ABI3: variants seen among roughly 807,000 people sequenced by gnomAD.
ABI3 encodes ABI family member 3.
Under a neutral mutation model 37.0 loss-of-function variants are expected in ABI3, and 24 were observed. The ratio of observed to expected loss-of-function variants is 0.65; its 90% CI spans 0.47 to 0.91. The LOEUF (loss-of-function observed/expected upper bound fraction) is 0.91. ABI3 is among the 40% of genes least tolerant of loss of function. The probability of loss-of-function intolerance (pLI) is 0.00; values close to 1 mark genes in which losing one functional copy is unlikely to be tolerated. For missense variants in ABI3, 481 were observed against 485.1 expected, an observed-to-expected ratio of 0.99 and a Z score of 0.08; for synonymous variants, 220 against 211.8, an observed-to-expected ratio of 1.04 and a Z score of -0.34.
intron 7 of ABI3, 71 bp downstream of exon 7, chr17:49,222,296 C>T (rs1383262112): frequency 2.6e-6 from 4 of 1,552,696 alleles, no homozygotes; most frequent in Non-Finnish European, 2.6e-6. Context: ...ATTCTCCTCC[C>T]TCTGCAAAGG....
chr17:49,216,113 G>T (rs375826433), intron 1 of ABI3, among the ~76,000 whole-genome samples: 2 of 125,292 alleles, frequency 1.6e-5, no homozygotes, highest in Non-Finnish European at 3.4e-5. Context: ...CTCCATCTCA[G>T]AAAAAAAAAA....
rs370741293 is a variant in ABI3 at position 49,217,618 on chromosome 17, C to T, written c.286-121C>T. ...GGGGGCGGGGGGCGGGGGGCAGGGCCCTCTTTTTCTAGACCTGGCTGCCTC... is the reference window on the plus strand; with the variant it reads ...GGGGGCGGGGGGCGGGGGGCAGGGCTCTCTTTTTCTAGACCTGGCTGCCTC... On this transcript the variant is annotated intron_variant, in intron 2 of 7. Coordinates refer to ENST00000225941, the MANE Select transcript of ABI3 (RefSeq NM_016428.3). 221 of 865,720 alleles carry T rather than the reference C, an allele frequency of 2.6e-4. 1 individual carries two copies. The African/African-American group carries it at 3.5e-3, about 14-fold the overall frequency. The allele number at this position is 865,720 out of a possible 1,614,324, so 53.6% of individuals were successfully genotyped here. A position where few individuals can be genotyped will look rare whatever the true frequency, so the allele number is the denominator to read the frequency against.
intron 5 of ABI3, 102 bp downstream of exon 5, chr17:49,220,055 C>T: frequency 6.4e-7 from 1 of 1,554,726 alleles, no homozygotes; most frequent in Non-Finnish European, 8.7e-7. Flanking sequence ...TGAAAGGACC[C>T]AGTTACTCCT....
chr17:49,220,464 A>C (rs1330403552), intron 6 of ABI3, 138 bp downstream of exon 6: 1 of 1,126,344 alleles, frequency 8.9e-7, no homozygotes, highest in Admixed American at 2.8e-5. Context: ...CAGGGGCGAA[A>C]GGAGACAGAG....
At chr17:49,213,706 C>T (rs2043192739) in intron 1 of ABI3, among the ~76,000 whole-genome samples, 1 of 152,236 alleles carries the variant, frequency 6.6e-6, no homozygotes, top group African/African-American at 2.4e-5. Context: ...GTTCAGGCTG[C>T]AGATGCCCAG....
intron 1 of ABI3, among the ~76,000 whole-genome samples, chr17:49,215,416 C>G (rs1056017078): frequency 1.3e-5 from 2 of 152,110 alleles, no homozygotes; most frequent in African/African-American, 4.8e-5. Context: ...TAAAGTCCCT[C>G]TGTTCTGGGC....
chr17:49,211,944 C>A (rs2043172386), intron 1 of ABI3, among the ~76,000 whole-genome samples: 1 of 136,692 alleles, frequency 7.3e-6, no homozygotes, highest in Admixed American at 7.9e-5. Context: ...CTGTGCCCAG[C>A]CAGCCTTTTT....
In ABI3 at chr17:49,222,239, G is replaced by A. The variant is rs1363320269; in HGVS notation, c.937+14G>A. On this transcript the variant is annotated intron_variant, in intron 7 of 7. Transcript: ENST00000225941. Reference sequence around the variant, plus strand: ...ACTTGGAGAAAGGTACCTGACTTCTGGGACTGAGGGGCACCGGATCCCACT... The same window carrying A: ...ACTTGGAGAAAGGTACCTGACTTCTAGGACTGAGGGGCACCGGATCCCACT... 6.2e-7 allele frequency: 1 copy of A among 1,610,238 alleles called. No individual in the cohort carries two copies. Among genetic ancestry groups the A allele is most frequent in the East Asian group, 2.2e-5 (1 of 44,770 alleles).
rs1401181121 is a variant in ABI3, at chr17:49,220,705, G to T, written c.802+379G>T. 7.2e-5 allele frequency among the ~76,000 whole-genome samples: 11 copies of T among 152,012 alleles called. 1 individual carries two copies. The highest frequency in any genetic ancestry group is 7.2e-4 in the Admixed American group (11 of 15,260). On this transcript the variant is annotated intron_variant, in intron 6 of 7. Transcript: ENST00000225941. ...ACTAAAAATACAAAATTGACCGGGCGTGGTGGCGCAAGCCTGTAATACCAG... is the reference window on the plus strand; with the variant it reads ...ACTAAAAATACAAAATTGACCGGGCTTGGTGGCGCAAGCCTGTAATACCAG...
Position 49,210,925 on chromosome 17 carries a change from ATC to A in ABI3, c.117+85_117+86del. 3.6e-6 allele frequency: 4 copies of A among 1,120,446 alleles called. No individual in the cohort carries two copies. The highest frequency in any genetic ancestry group is 5.1e-6 in the Non-Finnish European group (4 of 782,226). 69.4% of individuals were successfully genotyped at this position (1,120,446 alleles called of 1,614,324 possible). ...TGCCCCAAGTGGGGCCCTGGGACCC[ATC>A]CTGACAGTGCTTGTCCTGGGCCTTG... On this transcript the variant is annotated intron_variant, in intron 1 of 7. Coordinates refer to ENST00000225941, the MANE Select transcript of ABI3 (RefSeq NM_016428.3). The surrounding 1 kb of genome is among the most constrained non-coding windows in gnomAD (Gnocchi z 4.2).
chr17:49,222,634 C>A lies in ABI3; in HGVS notation c.1020C>A (p.Arg340=). 1 of 1,613,986 alleles carries A rather than the reference C, an allele frequency of 6.2e-7. No homozygotes were observed. The highest frequency in any genetic ancestry group is 8.5e-7 in the Non-Finnish European group (1 of 1,179,996). The change falls in exon 8 of 8, where the codon CGC becomes CGA. Residue 340 remains arginine, a synonymous_variant. Coordinates refer to ENST00000225941, the MANE Select transcript of ABI3 (RefSeq NM_016428.3). ...GCACTGTCATCTGTGTCACTCGCCG[C>A]TACTCCGATGGCTGGTGCGAGGGCG... ...SEGTVICVTR[R]YSDGWCEGVS...
At chr17:49,222,452 G>T (rs1795933760) in intron 7 of ABI3, 100 bp from the exon 8 acceptor site, 2 of 1,478,600 alleles carry the variant, frequency 1.4e-6, no homozygotes, top group African/African-American at 2.8e-5. Context: ...ATGGCCCCTA[G>T]AGTCTAGTAC....
At position 49,217,804 on chromosome 17, in the gene ABI3, G is replaced by T; in HGVS notation, c.351G>T (p.Arg117=). ...REIGTLATVQ[R]LPPGQKVIAP... Reference sequence around the variant, plus strand: ...TCGGCACCTTAGCCACTGTCCAGCGGCTGCCCCCCGGCCAGAAGGTCATCG... The same window carrying T: ...TCGGCACCTTAGCCACTGTCCAGCGTCTGCCCCCCGGCCAGAAGGTCATCG... Residue 117 remains arginine (R), a synonymous_variant, in exon 3 of 8, where the codon CGG becomes CGT. Transcript: ENST00000225941. The T allele has an allele frequency of 6.2e-7, 1 of 1,611,430 alleles. No individual in the cohort carries two copies. Among genetic ancestry groups the T allele is most frequent in the South Asian group, 1.1e-5 (1 of 90,578 alleles).
rs1166308633 is a variant in ABI3, at chr17:49,219,499, C to T, written c.463-41C>T. On this transcript the variant is annotated intron_variant, in intron 3 of 7. Coordinates refer to ENST00000225941, the MANE Select transcript of ABI3 (RefSeq NM_016428.3). This position sits in a 1 kb window ranked among gnomAD's most constrained non-coding sequence, Gnocchi z 4.3. ...TTGGGGATGAGGGTGGAGGGAGGCC[C>T]CTCACCCCAAATGTAAGCCCTACCT... is the stretch of plus-strand genomic sequence containing the variant. 12 of 1,521,962 alleles carry T rather than the reference C, an allele frequency of 7.9e-6. No individual in the cohort carries two copies. The allele number at this position is 1,521,962 out of a possible 1,614,324, so 94.3% of individuals were successfully genotyped here. A position where few individuals can be genotyped will look rare whatever the true frequency, so the allele number is the denominator to read the frequency against.
At position 49,219,204 on chromosome 17, in the gene ABI3, A is replaced by G. The variant is rs2043253008; in HGVS notation, c.463-336A>G. ...CTTTCTCCGCCCCCTCCTCAGCCCGATCAAAGTTAGGGACCACCAAGCCAG... is the reference window on the plus strand; with the variant it reads ...CTTTCTCCGCCCCCTCCTCAGCCCGGTCAAAGTTAGGGACCACCAAGCCAG... On this transcript the variant is annotated intron_variant, in intron 3 of 7. Transcript: ENST00000225941. This position sits in a 1 kb window ranked among gnomAD's most constrained non-coding sequence, Gnocchi z 4.3. Among the ~76,000 whole-genome samples the G allele has an allele frequency of 6.6e-6, 1 of 151,882 alleles. No individual in the cohort carries two copies. The highest frequency in any genetic ancestry group is 6.6e-5 in the Admixed American group (1 of 15,262).
intron 1 of ABI3, among the ~76,000 whole-genome samples, chr17:49,215,464 C>A (rs571400257): frequency 6.6e-6 from 1 of 151,392 alleles, no homozygotes; most frequent in East Asian, 1.9e-4. Context: ...CACCAATCTG[C>A]AGACTGGAGC....
rs772968279 is a variant in ABI3 at position 49,216,654 on chromosome 17, G to A, written c.241G>A (p.Ala81Thr). The A allele has an allele frequency of 2.9e-5, 47 of 1,607,610 alleles. No individual in the cohort carries two copies. The highest frequency in any genetic ancestry group is 3.7e-5 in the Non-Finnish European group (44 of 1,177,412). ...HTLRMLDLQG[A>T]ALRQVEARVS... ...TCTGCGCATGTTGGACCTGCAGGGG[G>A]CCGCCCTGCGGCAGGTGGAAGCCCG... is the stretch of plus-strand genomic sequence containing the variant. The change falls in exon 2 of 8, where the codon GCC becomes ACC. Residue 81 changes from alanine to threonine, a missense_variant. By Grantham distance (58) the Ala-to-Thr change is moderately conservative. Transcript: ENST00000225941.
At position 49,210,783 on chromosome 17, in the gene ABI3, G is replaced by C; in HGVS notation, c.59G>C (p.Arg20Thr). 1 of 1,556,118 alleles carries C rather than the reference G, an allele frequency of 6.4e-7. No homozygotes were observed. The highest frequency in any genetic ancestry group is 1.9e-5 in the Admixed American group (1 of 51,638). The change falls in exon 1 of 8, where the codon AGG (arginine) becomes ACG (threonine). Residue 20 changes from arginine to threonine, a missense_variant. Arg to Thr is a moderately conservative substitution (Grantham distance 71, BLOSUM62 -1). Coordinates refer to ENST00000225941, the MANE Select transcript of ABI3 (RefSeq NM_016428.3). The surrounding 1 kb of genome is among the most constrained non-coding windows in gnomAD (Gnocchi z 4.2). Reference protein sequence around the residue: ...FEIPTGREALRGNHSALLRVA... With the variant: ...FEIPTGREALTGNHSALLRVA... The stretch of plus-strand genomic sequence containing the variant: ...ATCCCCACTGGCCGGGAGGCTCTGA[G>C]GGGCAACCACAGTGCCCTGCTGCGG...
chr17:49,215,831 C>A (rs919205048), intron 1 of ABI3, among the ~76,000 whole-genome samples: 1 of 148,942 alleles, frequency 6.7e-6, no homozygotes, highest in Non-Finnish European at 1.5e-5. Flanking sequence ...CGGCTGGGCA[C>A]GGTGGCTCAC....
Sources: gnomAD v4.1 joint callset for allele counts (sites outside exome capture counted in the v4.1 genomes callset) on GRCh38, gnomAD v4.1.1 for gene constraint, Gnocchi (gnomAD v3.1) non-coding constraint, MANE v1.5 for transcripts, NCBI Gene and HGNC (gene_info 2026-07-23, HGNC 2026-07-21) for gene names.